The following NR3C1 variants were observed in gnomAD, a reference collection of about 807,000 sequenced individuals.
The protein encoded by NR3C1 is glucocorticoid receptor.
Under a neutral mutation model 74.0 loss-of-function variants are expected in NR3C1, and 14 were observed. The ratio of observed to expected loss-of-function variants is 0.19; its 90% CI spans 0.12 to 0.30. The LOEUF (loss-of-function observed/expected upper bound fraction) is 0.30. NR3C1 is among the 10% of genes least tolerant of loss of function. NR3C1 has a pLI of 1.00. For synonymous variants in NR3C1, 308 were observed against 332.5 expected, an observed-to-expected ratio of 0.93 and a Z score of 0.80; for missense variants, 695 against 909.8, an observed-to-expected ratio of 0.76 and a Z score of 3.04.
At chr5:143,389,378 C>T (rs1334811064) in intron 2 of NR3C1, among the ~76,000 whole-genome samples, 1 of 152,160 alleles carries the variant, frequency 6.6e-6, no homozygotes, top group Non-Finnish European at 1.5e-5. Context: ...TTTAGTTCTT[C>T]CACTTACGAA....
At chr5:143,369,793 T>C (rs1833935611) in intron 2 of NR3C1, among the ~76,000 whole-genome samples, 1 of 152,128 alleles carries the variant, frequency 6.6e-6, no homozygotes, top group Non-Finnish European at 1.5e-5. Context: ...ACGGTGAAGT[T>C]TAATCTATTA....
At chr5:143,356,224 A>G (rs1180782588) in intron 2 of NR3C1, among the ~76,000 whole-genome samples, 3 of 152,214 alleles carry the variant, frequency 2.0e-5, no homozygotes. Context: ...TCTTTTAAAT[A>G]AAATTTTTAA....
At chr5:143,329,916 C>T (rs887585732) in intron 2 of NR3C1, among the ~76,000 whole-genome samples, 2 of 152,064 alleles carry the variant, frequency 1.3e-5, no homozygotes, top group African/African-American at 2.4e-5. Flanking sequence ...TCAAAACATA[C>T]TAAAAAATGT....
chr5:143,374,052 T>C (rs1478667856), intron 2 of NR3C1, among the ~76,000 whole-genome samples: 2 of 152,242 alleles, frequency 1.3e-5, no homozygotes, highest in South Asian at 2.1e-4. Context: ...TAAAGTATTA[T>C]GCTACTACCT....
chr5:143,307,046 G>A (rs987029747), intron 4 of NR3C1, among the ~76,000 whole-genome samples: 9 of 151,764 alleles, frequency 5.9e-5, no homozygotes, highest in South Asian at 4.2e-4. Context: ...ACAGGCGCCC[G>A]CCACCACGCC....
intron 1 of NR3C1, chr5:143,402,910 C>T: frequency 6.6e-6 from 6 of 915,012 alleles, no homozygotes; most frequent in Non-Finnish European, 7.8e-6. Flanking sequence ...AGGATTCCCG[C>T]GAGGAATGAG....
intron 2 of NR3C1, among the ~76,000 whole-genome samples, chr5:143,370,562 C>T (rs1156669796): frequency 1.3e-5 from 2 of 152,118 alleles, no homozygotes; most frequent in African/African-American, 4.8e-5. Context: ...AGACATGAAG[C>T]CAACATATTA....
At position 143,403,475 on chromosome 5, in the gene NR3C1, G is replaced by A. The variant is rs61759013; in HGVS notation, c.-278C>T. 1.4e-5 allele frequency: 14 copies of A among 984,584 alleles called. No individual in the cohort carries two copies. In the African/African-American group the frequency reaches 2.5e-4, roughly 17 times the overall value. The allele number at this position is 984,584 out of a possible 1,614,324, so 61.0% of individuals were successfully genotyped here. On this transcript the variant is annotated 5_prime_UTR_variant, in exon 1 of 9. Coordinates refer to ENST00000394464, the MANE Select transcript of NR3C1 (RefSeq NM_000176.3). Reference sequence around the variant, plus strand: ...GTTCCGGGCGCGCGTGCCCCGTCCCGGTCCCAGCTGCTTCGGCCGCTCCGG... The same window carrying A: ...GTTCCGGGCGCGCGTGCCCCGTCCCAGTCCCAGCTGCTTCGGCCGCTCCGG...
At chr5:143,396,511 G>A (rs1015671132) in intron 2 of NR3C1, among the ~76,000 whole-genome samples, 2 of 151,736 alleles carry the variant, frequency 1.3e-5, no homozygotes, top group Non-Finnish European at 3.0e-5. Flanking sequence ...TCTTCTCTTC[G>A]TATTTCCTCT....
chr5:143,406,419 A>G (rs1262744716), upstream of NR3C1, among the ~76,000 whole-genome samples: 1 of 152,094 alleles, frequency 6.6e-6, no homozygotes, highest in African/African-American at 2.4e-5. Flanking sequence ...AAAAAAAAAA[A>G]AAAACTTATC....
At chr5:143,426,244 T>C (rs1207902025) in intron 1 of NR3C1, among the ~76,000 whole-genome samples, 1 of 152,204 alleles carries the variant, frequency 6.6e-6, no homozygotes, top group Non-Finnish European at 1.5e-5. Flanking sequence ...TGGGAGTGAC[T>C]ACTAATAGAA....
At chr5:143,303,651 T>C (rs932415766) in intron 4 of NR3C1, among the ~76,000 whole-genome samples, 13 of 152,006 alleles carry the variant, frequency 8.6e-5, no homozygotes, top group African/African-American at 2.9e-4. Context: ...TACAGGCCAA[T>C]ATCCCTGATG....
chr5:143,407,159 C>T (rs1841140725), upstream of NR3C1: 1 of 152,216 alleles, frequency 6.6e-6, no homozygotes, highest in South Asian at 2.1e-4. Flanking sequence ...CCTGATCTAT[C>T]TTGTCATAGC....
At chr5:143,382,112 T>G (rs1023250403) in intron 2 of NR3C1, among the ~76,000 whole-genome samples, 1 of 152,066 alleles carries the variant, frequency 6.6e-6, no homozygotes, top group Non-Finnish European at 1.5e-5. Flanking sequence ...AAGATCTGAA[T>G]AGACATTTCT....
chr5:143,364,586 C>T (rs1832872179), intron 2 of NR3C1, among the ~76,000 whole-genome samples: 1 of 152,164 alleles, frequency 6.6e-6, no homozygotes, highest in African/African-American at 2.4e-5. Context: ...GATAAACACA[C>T]AGTGTAGAAA....
intron 6 of NR3C1, among the ~76,000 whole-genome samples, chr5:143,296,951 G>A (rs769837494): frequency 2.2e-4 from 34 of 151,672 alleles, no homozygotes; most frequent in South Asian, 1.7e-3. Flanking sequence ...GGTGGAGTGC[G>A]CCTGTAATCC....
intron 7 of NR3C1, among the ~76,000 whole-genome samples, chr5:143,283,122 C>T (rs1813509504): frequency 6.6e-6 from 1 of 152,212 alleles, no homozygotes; most frequent in Non-Finnish European, 1.5e-5. Flanking sequence ...AATCCTCCTG[C>T]CTCGGCCTCC....
At chr5:143,412,489 A>G (rs1841328800) in intron 1 of NR3C1, among the ~76,000 whole-genome samples, 2 of 152,040 alleles carry the variant, frequency 1.3e-5, no homozygotes, top group South Asian at 4.1e-4. Context: ...TGTGTTACAC[A>G]TATATTGCTG....
At chr5:143,321,967 TC>T (rs1158458174) in intron 2 of NR3C1, among the ~76,000 whole-genome samples, 1 of 152,226 alleles carries the variant, frequency 6.6e-6, no homozygotes, top group African/African-American at 2.4e-5. Context: ...TGTACAAAGT[TC>T]AGTATATGTT....
Sources: allele counts gnomAD v4.1 joint callset (sites outside exome capture counted in the v4.1 genomes callset), GRCh38; gene constraint gnomAD v4.1.1; transcripts MANE v1.5; gene names NCBI Gene and HGNC (gene_info 2026-07-23, HGNC 2026-07-21).